The following ADK variants were observed in gnomAD, a reference collection of about 807,000 sequenced individuals.
ADK encodes the protein N6,N6-dimethyladenosine kinase.
Under a neutral mutation model 44.7 loss-of-function variants are expected in ADK, and 24 were observed. The ratio of observed to expected loss-of-function variants is 0.54; its 90% CI spans 0.39 to 0.76. ADK has a LOEUF of 0.76. Among genes scored for constraint, ADK ranks in the 30% least tolerant of loss-of-function variants. The probability of loss-of-function intolerance (pLI) is 0.00; values close to 1 mark genes in which losing one functional copy is unlikely to be tolerated. For synonymous variants in ADK, 128 were observed against 142.6 expected (o/e 0.90, Z 0.73); for missense variants, 321 against 425.1 (o/e 0.76, Z 2.15).
At chr10:74,458,309 T>G (rs528010816) in intron 6 of ADK, among the ~76,000 whole-genome samples, 39 of 148,304 alleles carry the variant, frequency 2.6e-4, no homozygotes, top group Non-Finnish European at 4.6e-4. Context: ...GTTTTTTTTT[T>G]TTTTTTTTTG....
At chr10:74,168,339 A>G (rs1207456497) in intron 1 of ADK, among the ~76,000 whole-genome samples, 1 of 152,076 alleles carries the variant, frequency 6.6e-6, no homozygotes, top group Non-Finnish European at 1.5e-5. Flanking sequence ...GGAGATCGAG[A>G]CCATCCTGTC....
intron 10 of ADK, among the ~76,000 whole-genome samples, chr10:74,682,235 A>G (rs1219883390): frequency 6.6e-6 from 1 of 152,212 alleles, no homozygotes; most frequent in African/African-American, 2.4e-5. Context: ...TCATTTTTAA[A>G]TTGATGGGCT....
At chr10:74,621,858 C>G (rs1253657924) in intron 9 of ADK, among the ~76,000 whole-genome samples, 1 of 152,114 alleles carries the variant, frequency 6.6e-6, no homozygotes, top group Non-Finnish European at 1.5e-5. Context: ...TTGTAAGACC[C>G]AGTCTACCTC....
chr10:74,558,059 T>C (rs1850325346), intron 7 of ADK, among the ~76,000 whole-genome samples: 1 of 152,064 alleles, frequency 6.6e-6, no homozygotes, highest in Admixed American at 6.6e-5. Context: ...GTTTAGGAAA[T>C]TGATAGCCCA....
chr10:74,653,480 C>T (rs957544197), intron 9 of ADK, among the ~76,000 whole-genome samples: 5 of 151,816 alleles, frequency 3.3e-5, no homozygotes, highest in African/African-American at 4.9e-5. Context: ...GAATAACATG[C>T]GTATGATCCT....
At chr10:74,477,204 A>T (rs887522807) in intron 6 of ADK, among the ~76,000 whole-genome samples, 1 of 151,952 alleles carries the variant, frequency 6.6e-6, no homozygotes, top group African/African-American at 2.4e-5. Context: ...AGATTTTTTT[A>T]TTTAAAAAAA....
chr10:74,384,821 A>G (rs1185835143), intron 4 of ADK, among the ~76,000 whole-genome samples: 1 of 152,240 alleles, frequency 6.6e-6, no homozygotes, highest in African/African-American at 2.4e-5. Flanking sequence ...ATTGCATTCA[A>G]GAGTGTTAAT....
chr10:74,678,162 G>A, intron 10 of ADK, among the ~76,000 whole-genome samples: 1 of 149,716 alleles, frequency 6.7e-6, no homozygotes. Context: ...AAAAAAAAAG[G>A]ATATGAAACA....
intron 6 of ADK, among the ~76,000 whole-genome samples, chr10:74,458,010 G>A (rs1846017804): frequency 6.7e-6 from 1 of 150,074 alleles, no homozygotes; most frequent in Non-Finnish European, 1.5e-5. Flanking sequence ...AGAACTTAAA[G>A]TACAATTAAA....
chr10:74,423,788 G>T, intron 6 of ADK: 1 of 348,884 alleles, frequency 2.9e-6, no homozygotes. Context: ...ATGGGGGCTG[G>T]GCTATGATAC....
chr10:74,226,468 C>T (rs1844547276), intron 3 of ADK, among the ~76,000 whole-genome samples: 1 of 152,146 alleles, frequency 6.6e-6, no homozygotes, highest in Admixed American at 6.5e-5. Context: ...ATATATTTAC[C>T]ACCAAGGTTT....
chr10:74,446,087 AGTT>A (rs1845576972), intron 6 of ADK, among the ~76,000 whole-genome samples: 1 of 152,110 alleles, frequency 6.6e-6, no homozygotes, highest in Non-Finnish European at 1.5e-5. Context: ...AGATTCTGCT[AGTT>A]GAATGCTGAA....
intron 6 of ADK, among the ~76,000 whole-genome samples, chr10:74,445,136 C>T (rs1266220781): frequency 6.6e-6 from 1 of 151,868 alleles, no homozygotes; most frequent in Admixed American, 6.6e-5. Flanking sequence ...GCCCAGATTT[C>T]TTACCAAAAA....
At chr10:74,518,734 C>A (rs1463693799) in intron 6 of ADK, among the ~76,000 whole-genome samples, 7 of 151,982 alleles carry the variant, frequency 4.6e-5, no homozygotes, top group African/African-American at 1.7e-4. Context: ...AACCATATTA[C>A]CAAATTTTGA....
intron 7 of ADK, among the ~76,000 whole-genome samples, chr10:74,586,819 A>T (rs764176374): frequency 5.3e-5 from 8 of 151,130 alleles, no homozygotes; most frequent in African/African-American, 2.0e-4. Context: ...GCACCACTGC[A>T]CTCCAGCCAG....
chr10:74,441,146 T>C (rs1035659712), intron 6 of ADK, among the ~76,000 whole-genome samples: 5 of 152,186 alleles, frequency 3.3e-5, no homozygotes. Flanking sequence ...AAAACACATA[T>C]ACACAAAGCA....
chr10:74,284,838 T>C (rs924466072), intron 3 of ADK, among the ~76,000 whole-genome samples: 8 of 152,256 alleles, frequency 5.3e-5, no homozygotes, highest in Admixed American at 2.0e-4. Context: ...AAATTCGTCT[T>C]TTACAATGCT....
rs117599254 is a variant in ADK, at chr10:74,546,247, T to A, written c.726+20821T>A. Among the ~76,000 whole-genome samples the A allele has an allele frequency of 8.0e-3, 1,224 of 152,324 alleles. 9 individuals are homozygous for A. Among genetic ancestry groups the A allele is most frequent in the Non-Finnish European group, 0.014 (959 of 68,008 alleles). ...GTAATATAAACTTAACAAAGAATGT[T>A]GTCACAACTCTCTGGAACTTAGTAC... On this transcript the variant is annotated intron_variant, in intron 7 of 10. Coordinates refer to ENST00000539909, the MANE Select transcript of ADK (RefSeq NM_006721.4).
chr10:74,232,591 T>C (rs1400317429), intron 3 of ADK, among the ~76,000 whole-genome samples: 1 of 111,548 alleles, frequency 9.0e-6, no homozygotes, highest in African/African-American at 3.5e-5. Flanking sequence ...TAATTAACAC[T>C]GTCATCAAGG....
Sources: allele counts gnomAD v4.1 joint callset (sites outside exome capture counted in the v4.1 genomes callset), GRCh38; gene constraint gnomAD v4.1.1; transcripts MANE v1.5; gene names NCBI Gene and HGNC (gene_info 2026-07-23, HGNC 2026-07-21).